DLGAP1: variants seen among roughly 807,000 people sequenced by gnomAD.
DLGAP1 encodes disks large-associated protein 1.
A neutral mutation model predicts 90.8 loss-of-function variants in DLGAP1; 11 were observed. The observed-to-expected ratio is 0.12, with a 90% CI of 0.08 to 0.20. The LOEUF (loss-of-function observed/expected upper bound fraction) is 0.20. Ranked by LOEUF, DLGAP1 falls within the 10% of genes least tolerant of loss-of-function variation. DLGAP1 has a pLI of 1.00. For missense variants in DLGAP1, 1,050 were observed against 1,333.8 expected (o/e 0.79, Z 3.31); for synonymous variants, 558 against 540.7 (o/e 1.03, Z -0.44).
intron 11 of DLGAP1, among the ~76,000 whole-genome samples, chr18:3,504,292 G>A (rs2050097631): frequency 6.6e-6 from 1 of 152,040 alleles, no homozygotes; most frequent in Non-Finnish European, 1.5e-5. Context: ...TTTTAATACT[G>A]AATCAGACAC....
At chr18:4,397,112 C>CA (rs1316710775) in intron 1 of DLGAP1, among the ~76,000 whole-genome samples, 1 of 152,098 alleles carries the variant, frequency 6.6e-6, no homozygotes. Context: ...GTCAAACAGG[C>CA]ATGATAAAGT....
intron 7 of DLGAP1, among the ~76,000 whole-genome samples, chr18:3,674,434 C>G (rs2060221447): frequency 6.6e-6 from 1 of 151,476 alleles, no homozygotes; most frequent in African/African-American, 2.4e-5. Context: ...GCCTGCACAA[C>G]AAAATGAGCT....
At chr18:4,044,254 C>A (rs2075016608) in intron 2 of DLGAP1, among the ~76,000 whole-genome samples, 1 of 152,174 alleles carries the variant, frequency 6.6e-6, no homozygotes, top group South Asian at 2.1e-4. Context: ...ATACTCCTGG[C>A]CACCTCACAC....
At chr18:3,763,005 G>C (rs895703212) in intron 5 of DLGAP1, among the ~76,000 whole-genome samples, 2 of 152,202 alleles carry the variant, frequency 1.3e-5, no homozygotes, top group African/African-American at 4.8e-5. Context: ...TGGATTGCAT[G>C]GTGTGATGGT....
intron 2 of DLGAP1, among the ~76,000 whole-genome samples, chr18:4,049,928 A>G (rs1222825356): frequency 6.9e-6 from 1 of 143,904 alleles, no homozygotes; most frequent in Non-Finnish European, 1.5e-5. Context: ...CCATCCATCC[A>G]TCCATCCATC....
At chr18:3,902,154 T>C (rs1019612466) in intron 3 of DLGAP1, among the ~76,000 whole-genome samples, 3 of 152,214 alleles carry the variant, frequency 2.0e-5, no homozygotes, top group Non-Finnish European at 2.9e-5. Flanking sequence ...AAAAAATTGA[T>C]TGTGTATTTT....
At chr18:4,328,010 A>G (rs982684274) in intron 1 of DLGAP1, among the ~76,000 whole-genome samples, 3 of 149,864 alleles carry the variant, frequency 2.0e-5, no homozygotes, top group African/African-American at 7.6e-5. Flanking sequence ...TAAATCCCCT[A>G]CCCCAGAGCA....
intron 1 of DLGAP1, among the ~76,000 whole-genome samples, chr18:4,356,177 C>G (rs975363516): frequency 2.7e-5 from 4 of 150,608 alleles, no homozygotes; most frequent in Non-Finnish European, 4.4e-5. Flanking sequence ...TTTTTTTTTT[C>G]CTGATGAGTG....
chr18:4,023,498 C>A (rs778305002), intron 2 of DLGAP1, among the ~76,000 whole-genome samples: 3 of 152,158 alleles, frequency 2.0e-5, no homozygotes, highest in South Asian at 2.1e-4. Context: ...TTTCTTGGAA[C>A]CTAATTTTTG....
chr18:3,720,888 C>CAAAAAAAAAAAAAA (rs1186426563), intron 7 of DLGAP1, among the ~76,000 whole-genome samples: 9,523 of 49,770 alleles, frequency 0.19, 1,488 homozygotes, highest in East Asian at 0.28. Flanking sequence ...CTTGTCTCTA[C>CAAAAAAAAAAAAAA]AAAAAAAAAA....
intron 9 of DLGAP1, among the ~76,000 whole-genome samples, chr18:3,550,863 T>C (rs1410287144): frequency 6.6e-6 from 1 of 151,262 alleles, no homozygotes; most frequent in Non-Finnish European, 1.5e-5. Context: ...TGCCTCAGTC[T>C]TCCGAGTAGC....
At chr18:3,508,111 G>T (rs1179984228) in intron 11 of DLGAP1, among the ~76,000 whole-genome samples, 2 of 152,232 alleles carry the variant, frequency 1.3e-5, no homozygotes, top group African/African-American at 4.8e-5. Flanking sequence ...TCTACACTTT[G>T]TGATGCCCTT....
In DLGAP1 at chr18:4,207,250, A is replaced by C. The variant is rs191012515; in HGVS notation, c.-266-55963T>G. ...CAATGGCGAAAGGTGAAGCAAACAC[A>C]TCCCTCACATGGTGGCAGGGAGAAG... is the stretch of plus-strand genomic sequence containing the variant. On this transcript the variant is annotated intron_variant, in intron 1 of 12. Transcript: ENST00000315677. 3.6e-4 allele frequency among the ~76,000 whole-genome samples: 55 copies of C among 152,256 alleles called. No homozygotes were observed. In the East Asian group the frequency reaches 9.3e-3, roughly 26 times the overall value.
chr18:4,357,266 G>C (rs561062389), intron 1 of DLGAP1, among the ~76,000 whole-genome samples: 1 of 142,490 alleles, frequency 7.0e-6, no homozygotes. Context: ...TGATTCTCCT[G>C]TCTCAGCCTC....
chr18:4,429,118 C>A (rs2083222857), intron 1 of DLGAP1, among the ~76,000 whole-genome samples: 1 of 152,126 alleles, frequency 6.6e-6, no homozygotes. Flanking sequence ...GCAATGAAAT[C>A]TATTTAGGTC....
At chr18:3,785,075 A>G (rs944615491) in intron 5 of DLGAP1, among the ~76,000 whole-genome samples, 18 of 152,248 alleles carry the variant, frequency 1.2e-4, no homozygotes, top group East Asian at 3.8e-4. Flanking sequence ...TAAATAATCT[A>G]TGCAGCAGTT....
chr18:3,703,333 T>C (rs985569525), intron 7 of DLGAP1, among the ~76,000 whole-genome samples: 2 of 152,210 alleles, frequency 1.3e-5, no homozygotes, highest in Non-Finnish European at 2.9e-5. Flanking sequence ...CACTGGGCAG[T>C]TGTCCATGCA....
At chr18:3,639,215 G>A (rs926887046) in intron 7 of DLGAP1, among the ~76,000 whole-genome samples, 3 of 152,052 alleles carry the variant, frequency 2.0e-5, no homozygotes, top group Admixed American at 6.6e-5. Flanking sequence ...AGTTAGCCAG[G>A]CGTGGTGGTG....
chr18:3,790,681 G>A (rs1467624854), intron 5 of DLGAP1, among the ~76,000 whole-genome samples: 2 of 152,204 alleles, frequency 1.3e-5, no homozygotes, highest in Admixed American at 1.3e-4. Flanking sequence ...TCAAGGAAGA[G>A]TATTTGCCTG....
Sources: allele counts gnomAD v4.1 joint callset (sites outside exome capture counted in the v4.1 genomes callset), GRCh38; gene constraint gnomAD v4.1.1; transcripts MANE v1.5; gene names NCBI Gene and HGNC (gene_info 2026-07-23, HGNC 2026-07-21).